GNE: variants seen among roughly 807,000 people sequenced by gnomAD.
GNE encodes bifunctional UDP-N-acetylglucosamine 2-epimerase/N-acetylmannosamine kinase.
GNE carries 41 observed loss-of-function variants against 61.8 expected under a neutral mutation model. The ratio of observed to expected loss-of-function variants is 0.66; its 90% CI spans 0.52 to 0.86. The LOEUF (loss-of-function observed/expected upper bound fraction) is 0.86, where lower values mean the gene tolerates loss of function less well. Among genes scored for constraint, GNE ranks in the 40% least tolerant of loss-of-function variants. The probability of loss-of-function intolerance (pLI) is 0.00; values close to 1 mark genes in which losing one functional copy is unlikely to be tolerated. For missense variants in GNE, 608 were observed against 909.1 expected (o/e 0.67, Z 4.26); for synonymous variants, 264 against 326.4 (o/e 0.81, Z 2.06).
At position 36,214,720 on chromosome 9, in the gene GNE, C is replaced by G. The variant is rs937203191; in HGVS notation, c.*2645G>C. 2.0e-5 allele frequency: 3 copies of G among 152,172 alleles called. No individual in the cohort carries two copies. Among genetic ancestry groups the G allele is most frequent in the Non-Finnish European group, 4.4e-5 (3 of 68,030 alleles). The allele number at this position is 152,172 out of a possible 1,614,324, so 9.4% of individuals were successfully genotyped here. ...AGATTACACCAAAGAACAGATGTCC[C>G]TTCCCAGAACATTATCTCACCCCAG... On this transcript the variant is annotated 3_prime_UTR_variant, in exon 12 of 12. Transcript: ENST00000642385.
In GNE at chr9:36,218,191, A is replaced by C; in HGVS notation, c.1925T>G (p.Leu642Arg). 1 of 1,610,414 alleles carries C rather than the reference A, an allele frequency of 6.2e-7. No individual in the cohort carries two copies. Among genetic ancestry groups the C allele is most frequent in the Non-Finnish European group, 8.5e-7 (1 of 1,176,594 alleles). ...TGCAGCCACATGCTCACCTGTTCTTAGGATGCTCTGGGCCTTCGCATTGCC... is the reference window on the plus strand; with the variant it reads ...TGCAGCCACATGCTCACCTGTTCTTCGGATGCTCTGGGCCTTCGCATTGCC... ...KLGNAKAQSI[L>R]RTAGTALGLG... Residue 642 changes from leucine (L) to arginine (R), a missense_variant, in exon 11 of 12, where the codon CTA (leucine) becomes CGA (arginine). Physicochemically the swap from Leu to Arg is moderately radical, Grantham distance 102. Transcript: ENST00000642385. The surrounding 1 kb of genome is among the most constrained non-coding windows in gnomAD (Gnocchi z 4.1).
Position 36,217,011 on chromosome 9 carries a change from T to C in GNE, c.*354A>G, listed in dbSNP as rs1027771636. 16 of 343,808 alleles carry C rather than the reference T, an allele frequency of 4.7e-5. No homozygotes were observed. The highest frequency in any genetic ancestry group is 7.9e-5 in the Non-Finnish European group (14 of 178,142). The allele number at this position is 343,808 out of a possible 1,614,324, so 21.3% of individuals were successfully genotyped here. On this transcript the variant is annotated 3_prime_UTR_variant, in exon 12 of 12. Transcript: ENST00000642385. ...ATGCAAACTTCAGGATGAAGTGATA[T>C]CCCAGGCAAGGCCTGAAGGTCTCAG...
Position 36,214,462 on chromosome 9 carries a change from A to AT in GNE, c.*2902dup. 1 of 152,152 alleles carries AT rather than the reference A, an allele frequency of 6.6e-6. No homozygotes were observed. Among genetic ancestry groups the AT allele is most frequent in the Admixed American group, 6.6e-5 (1 of 15,266 alleles). The allele number at this position is 152,152 out of a possible 1,614,324, so 9.4% of individuals were successfully genotyped here. A position where few individuals can be genotyped will look rare whatever the true frequency, so the allele number is the denominator to read the frequency against. The stretch of plus-strand genomic sequence containing the variant: ...AGGATTTCAACAAGGAAATGTATTT[A>AT]TTTTTTCTTTAGAATTTGGCTCAGA... On this transcript the variant is annotated 3_prime_UTR_variant, in exon 12 of 12. Transcript: ENST00000642385.
chr9:36,247,212 AC>A (rs1829921551), intron 2 of GNE, among the ~76,000 whole-genome samples: 1 of 151,860 alleles, frequency 6.6e-6, no homozygotes, highest in South Asian at 2.1e-4. Flanking sequence ...GTGTGCCATC[AC>A]GCCCAGCTAA....
intron 1 of GNE, chr9:36,265,353 A>G (rs1442980756): frequency 2.2e-6 from 1 of 451,136 alleles, no homozygotes; most frequent in Admixed American, 2.4e-5. Context: ...GCAACCCGCC[A>G]CCATGTTGGG....
chr9:36,275,382 A>T (rs2133206114), intron 1 of GNE, among the ~76,000 whole-genome samples: 1 of 152,322 alleles, frequency 6.6e-6, no homozygotes, highest in South Asian at 2.1e-4. Context: ...TAAAATGGGC[A>T]TGAGAATAGC....
At chr9:36,250,111 G>A (rs890663959) in intron 1 of GNE, among the ~76,000 whole-genome samples, 19 of 152,072 alleles carry the variant, frequency 1.2e-4, no homozygotes, top group African/African-American at 4.3e-4. Context: ...GAGAACCACT[G>A]ATCTAGTTCA....
At chr9:36,230,387 T>A (rs2133054005) in intron 5 of GNE, among the ~76,000 whole-genome samples, 1 of 152,214 alleles carries the variant, frequency 6.6e-6, no homozygotes, top group South Asian at 2.1e-4. Context: ...TGCTGGCCCT[T>A]CCCTCTTCAC....
intron 3 of GNE, among the ~76,000 whole-genome samples, chr9:36,242,420 T>C (rs1306098189): frequency 1.3e-5 from 2 of 152,246 alleles, no homozygotes; most frequent in African/African-American, 2.4e-5. Flanking sequence ...CTAATGGTTA[T>C]TTGCTGTTTT....
At chr9:36,253,627 T>C (rs1830207357) in intron 1 of GNE, among the ~76,000 whole-genome samples, 1 of 152,076 alleles carries the variant, frequency 6.6e-6, no homozygotes, top group Non-Finnish European at 1.5e-5. Flanking sequence ...AATGGTAGAA[T>C]GAGAACATTT....
At chr9:36,270,948 C>T (rs1469346975) in intron 1 of GNE, among the ~76,000 whole-genome samples, 1 of 152,166 alleles carries the variant, frequency 6.6e-6, no homozygotes, top group African/African-American at 2.4e-5. Flanking sequence ...TCTTGTCCTT[C>T]CTGCCTGCAT....
At chr9:36,219,089 T>TG (rs1278147931) in intron 10 of GNE, among the ~76,000 whole-genome samples, 1 of 152,122 alleles carries the variant, frequency 6.6e-6, no homozygotes, top group Non-Finnish European at 1.5e-5. Flanking sequence ...CTGTCTCCCC[T>TG]GGGCCCTCAC....
chr9:36,256,424 T>A (rs1028722997), intron 1 of GNE, among the ~76,000 whole-genome samples: 35 of 151,356 alleles, frequency 2.3e-4, no homozygotes, highest in Admixed American at 9.9e-4. Context: ...TTTGTATTTT[T>A]AGTAGAGATG....
chr9:36,228,654 C>T (rs950340982), intron 6 of GNE, among the ~76,000 whole-genome samples: 5 of 151,546 alleles, frequency 3.3e-5, no homozygotes, highest in African/African-American at 1.2e-4. Context: ...ATTAGCCAGG[C>T]GTGGTGGTGC....
chr9:36,272,545 C>T (rs1489404297), intron 1 of GNE, among the ~76,000 whole-genome samples: 4 of 140,968 alleles, frequency 2.8e-5, no homozygotes, highest in Middle Eastern at 4.2e-3. Flanking sequence ...GGTGTGAACC[C>T]GGGAGGCGGA....
intron 1 of GNE, among the ~76,000 whole-genome samples, chr9:36,251,984 A>ATTTTTTTTTTTT: frequency 9.6e-6 from 1 of 104,530 alleles, no homozygotes; most frequent in African/African-American, 3.9e-5. Context: ...GCACTATCTG[A>ATTTTTTTTTTTT]TCTTTTTTTT....
At chr9:36,242,729 C>CTTTT (rs1563944077) in intron 3 of GNE, among the ~76,000 whole-genome samples, 1 of 92,920 alleles carries the variant, frequency 1.1e-5, no homozygotes, top group African/African-American at 4.1e-5. Flanking sequence ...GGGTTTTATG[C>CTTTT]TTGTTTTTTT....
intron 3 of GNE, among the ~76,000 whole-genome samples, chr9:36,245,707 C>T (rs1446809985): frequency 6.6e-6 from 1 of 152,052 alleles, no homozygotes; most frequent in Non-Finnish European, 1.5e-5. Context: ...AATGAAATGG[C>T]ATATTACACT....
chr9:36,243,019 C>T (rs1219982590), intron 3 of GNE, among the ~76,000 whole-genome samples: 2 of 151,978 alleles, frequency 1.3e-5, no homozygotes, highest in Non-Finnish European at 2.9e-5. Flanking sequence ...GGGTCACAGG[C>T]ATGAGCCACT....
Sources: gnomAD v4.1 joint callset for allele counts (sites outside exome capture counted in the v4.1 genomes callset) on GRCh38, gnomAD v4.1.1 for gene constraint, Gnocchi (gnomAD v3.1) non-coding constraint, MANE v1.5 for transcripts, NCBI Gene and HGNC (gene_info 2026-07-23, HGNC 2026-07-21) for gene names.